AKR1C8: variants seen among roughly 807,000 people sequenced by gnomAD.
AKR1C8 encodes the protein aldo-keto reductase family 1 member C8, also known as aldo-keto reductase family 1 member C-like protein 1.
the AKR1C8 span, among the ~76,000 whole-genome samples, chr10:5,146,996 G>A: frequency 6.6e-6 from 1 of 152,276 alleles, no homozygotes; most frequent in Non-Finnish European, 1.5e-5. Context: ...AATTTATAAA[G>A]AAGTCTCTTT....
chr10:5,144,447 C>G, the AKR1C8 span, among the ~76,000 whole-genome samples: 2 of 151,990 alleles, frequency 1.3e-5, no homozygotes, highest in Non-Finnish European at 2.9e-5. Context: ...GGCATTGAAT[C>G]TGTAAATTAC....
the AKR1C8 span, among the ~76,000 whole-genome samples, chr10:5,172,632 A>G: frequency 1.1e-4 from 17 of 152,122 alleles, no homozygotes; most frequent in African/African-American, 3.6e-4. Context: ...TTTGGCAGAG[A>G]TAAGTATGAA....
chr10:5,119,966 TAGAC>T, the AKR1C8 span, among the ~76,000 whole-genome samples: 3 of 152,124 alleles, frequency 2.0e-5, no homozygotes, highest in South Asian at 6.2e-4. Context: ...AATCTGGCCA[TAGAC>T]AGGCCCCAAA....
chr10:5,123,653 T>C, the AKR1C8 span: 1 of 1,467,308 alleles, frequency 6.8e-7, no homozygotes, highest in Non-Finnish European at 9.4e-7. Flanking sequence ...GAGTACCATA[T>C]AATTAAAATA....
At chr10:5,163,791 G>A in the AKR1C8 span, among the ~76,000 whole-genome samples, 14 of 152,070 alleles carry the variant, frequency 9.2e-5, no homozygotes, top group African/African-American at 3.4e-4. Context: ...TTATGCCTAA[G>A]ACATACCAAC....
the AKR1C8 span, among the ~76,000 whole-genome samples, chr10:5,180,472 G>A: frequency 6.6e-6 from 1 of 150,398 alleles, no homozygotes; most frequent in East Asian, 1.9e-4. Flanking sequence ...CAGAGCTCCA[G>A]CTGCATGCTG....
the AKR1C8 span, among the ~76,000 whole-genome samples, chr10:5,166,326 C>T: frequency 1.3e-5 from 2 of 152,166 alleles, no homozygotes; most frequent in African/African-American, 2.4e-5. Flanking sequence ...GCCTGCATTG[C>T]CAAGTCAATC....
chr10:5,180,244 G>T, the AKR1C8 span, among the ~76,000 whole-genome samples: 1 of 152,196 alleles, frequency 6.6e-6, no homozygotes, highest in Non-Finnish European at 1.5e-5. Flanking sequence ...GTCCACTCCA[G>T]ACCCTGTTTG....
At chr10:5,146,428 T>C in the AKR1C8 span, among the ~76,000 whole-genome samples, 1 of 152,130 alleles carries the variant, frequency 6.6e-6, no homozygotes, top group African/African-American at 2.4e-5. Context: ...TTAAAAAAAT[T>C]AGCTCAGGTA....
chr10:5,144,319 C>T, the AKR1C8 span, among the ~76,000 whole-genome samples: 1 of 152,152 alleles, frequency 6.6e-6, no homozygotes, highest in African/African-American at 2.4e-5. Context: ...ATGCCTCCAG[C>T]TTTCTTCTTT....
At chr10:5,167,437 T>C in the AKR1C8 span, among the ~76,000 whole-genome samples, 1 of 152,212 alleles carries the variant, frequency 6.6e-6, no homozygotes, top group South Asian at 2.1e-4. Flanking sequence ...CTATACAGCA[T>C]GGAATACTAT....
the AKR1C8 span, among the ~76,000 whole-genome samples, chr10:5,120,590 G>A: frequency 6.6e-6 from 1 of 151,982 alleles, no homozygotes; most frequent in Non-Finnish European, 1.5e-5. Context: ...TATTGAATAG[G>A]GTCACAGAGA....
the AKR1C8 span, chr10:5,184,925 G>A: frequency 6.1e-4 from 283 of 465,432 alleles, no homozygotes; most frequent in Middle Eastern, 0.012. Context: ...AGCATCCACT[G>A]TCTACCCAAG....
chr10:5,119,382 T>C, the AKR1C8 span, among the ~76,000 whole-genome samples: 1 of 152,144 alleles, frequency 6.6e-6, no homozygotes, highest in African/African-American at 2.4e-5. Context: ...CTGTTATATA[T>C]AAAAGTACAT....
chr10:5,128,697 T>A, the AKR1C8 span, among the ~76,000 whole-genome samples: 2 of 151,170 alleles, frequency 1.3e-5, no homozygotes, highest in Non-Finnish European at 3.0e-5. Flanking sequence ...ACAAAGAAAA[T>A]AATTATATAA....
the AKR1C8 span, among the ~76,000 whole-genome samples, chr10:5,175,625 T>C: frequency 6.6e-6 from 1 of 152,222 alleles, no homozygotes; most frequent in African/African-American, 2.4e-5. Context: ...CTCCACATCC[T>C]CTCCAGCACC....
chr10:5,133,071 A>G, the AKR1C8 span, among the ~76,000 whole-genome samples: 1 of 152,070 alleles, frequency 6.6e-6, no homozygotes, highest in Non-Finnish European at 1.5e-5. Context: ...ACAGTTATAA[A>G]TATAGTCTTT....
chr10:5,128,823 AACAC>A, the AKR1C8 span, among the ~76,000 whole-genome samples: 1 of 152,142 alleles, frequency 6.6e-6, no homozygotes, highest in Admixed American at 6.6e-5. Context: ...ATGAGATAGC[AACAC>A]ACTAATAGTG....
At chr10:5,149,393 T>C in the AKR1C8 span, among the ~76,000 whole-genome samples, 1,100 of 152,262 alleles carry the variant, frequency 7.2e-3, 15 homozygotes, top group Non-Finnish European at 9.1e-3. Flanking sequence ...GAATAATTAT[T>C]GTTCAATAGG....
Sources: gnomAD v4.1 joint callset for allele counts (sites outside exome capture counted in the v4.1 genomes callset) on GRCh38, gnomAD v4.1.1 for gene constraint, MANE v1.5 for transcripts, NCBI Gene and HGNC (gene_info 2026-07-23, HGNC 2026-07-21) for gene names.